The following RBFOX1 variants were observed in gnomAD, a reference collection of about 807,000 sequenced individuals.
RBFOX1 encodes the protein RNA binding protein fox-1 homolog 1.
In RBFOX1, 8 loss-of-function variants were observed where a neutral mutation model predicts 57.7. That is an observed-to-expected ratio of 0.14 (90% confidence interval 0.08 to 0.25). The LOEUF (loss-of-function observed/expected upper bound fraction) is 0.25. Ranked by LOEUF, RBFOX1 falls within the 10% of genes least tolerant of loss-of-function variation. RBFOX1 has a pLI of 1.00. For missense variants in RBFOX1, 611 were observed against 548.5 expected (o/e 1.11, Z -1.14); for synonymous variants, 326 against 222.4 (o/e 1.47, Z -4.15).
At chr16:7,693,477 A>G in intron 14 of RBFOX1, 1 of 803,910 alleles carries the variant, frequency 1.2e-6, no homozygotes. Context: ...AAGTTTAGTT[A>G]AGAAAAAAAA....
chr16:7,638,198 G>A (rs957462332), intron 11 of RBFOX1, among the ~76,000 whole-genome samples: 1 of 152,184 alleles, frequency 6.6e-6, no homozygotes, highest in Non-Finnish European at 1.5e-5. Flanking sequence ...ATCATAAGTA[G>A]TGGTTATTGG....
At chr16:6,464,257 CA>C (rs911843624) in intron 2 of RBFOX1, among the ~76,000 whole-genome samples, 4 of 151,628 alleles carry the variant, frequency 2.6e-5, no homozygotes, top group African/African-American at 4.8e-5. Flanking sequence ...GTGAGTAAAA[CA>C]AAAAAAATCA....
At chr16:7,427,912 C>T (rs1024655952) in intron 4 of RBFOX1, among the ~76,000 whole-genome samples, 1 of 152,182 alleles carries the variant, frequency 6.6e-6, no homozygotes, top group Non-Finnish European at 1.5e-5. Context: ...CCTTGGCCTC[C>T]TAAAGTGCTC....
intron 2 of RBFOX1, among the ~76,000 whole-genome samples, chr16:6,506,669 A>G (rs1390927327): frequency 5.0e-5 from 4 of 79,958 alleles, no homozygotes; most frequent in South Asian, 8.5e-4. Context: ...TTTTTTTGAG[A>G]TGGAGTCTCG....
intron 3 of RBFOX1, among the ~76,000 whole-genome samples, chr16:6,821,257 C>G (rs1242270307): frequency 6.6e-6 from 1 of 152,184 alleles, no homozygotes; most frequent in Non-Finnish European, 1.5e-5. Context: ...CTCTTTACAT[C>G]TAACCAGGGC....
chr16:6,256,806 C>T (rs1223949074), intron 1 of RBFOX1, among the ~76,000 whole-genome samples: 1 of 152,080 alleles, frequency 6.6e-6, no homozygotes, highest in African/African-American at 2.4e-5. Flanking sequence ...AGAAAATCAC[C>T]TTTGGTTGAG....
At chr16:5,943,523 C>T (rs766384048) in intron 4 of RBFOX1, among the ~76,000 whole-genome samples, 1 of 152,164 alleles carries the variant, frequency 6.6e-6, no homozygotes, top group Non-Finnish European at 1.5e-5. Context: ...ATGCCAGAAA[C>T]AGGAGGGAAG....
At chr16:7,647,363 T>C (rs886735376) in intron 11 of RBFOX1, among the ~76,000 whole-genome samples, 30 of 152,216 alleles carry the variant, frequency 2.0e-4, no homozygotes, top group Admixed American at 1.2e-3. Flanking sequence ...GATTTTTCTC[T>C]TTGATTCATG....
At chr16:5,487,708 C>G (rs1229267426) in intron 2 of RBFOX1, among the ~76,000 whole-genome samples, 2 of 152,204 alleles carry the variant, frequency 1.3e-5, no homozygotes, top group African/African-American at 2.4e-5. Flanking sequence ...GAGCTCATGT[C>G]TATCTTCCAG....
At chr16:6,988,032 G>T (rs149476829) in intron 3 of RBFOX1, among the ~76,000 whole-genome samples, 3 of 152,188 alleles carry the variant, frequency 2.0e-5, no homozygotes, top group African/African-American at 7.2e-5. Flanking sequence ...AAAAAAATTA[G>T]ATATGGAAAT....
chr16:7,468,225 C>A (rs374737299), intron 4 of RBFOX1, among the ~76,000 whole-genome samples: 1 of 152,188 alleles, frequency 6.6e-6, no homozygotes, highest in African/African-American at 2.4e-5. Context: ...TGAGCAAGCT[C>A]CTTTCTGCAT....
chr16:7,408,364 A>G (rs1480070185), intron 4 of RBFOX1, among the ~76,000 whole-genome samples: 1 of 152,218 alleles, frequency 6.6e-6, no homozygotes, highest in Non-Finnish European at 1.5e-5. Context: ...AAATTTTAAA[A>G]AATGTTAGAC....
intron 3 of RBFOX1, among the ~76,000 whole-genome samples, chr16:6,675,590 C>T (rs1438878525): frequency 1.3e-5 from 2 of 152,134 alleles, no homozygotes; most frequent in Admixed American, 6.5e-5. Context: ...GTACCTGAGA[C>T]TGGGTAATTT....
chr16:7,197,804 A>G (rs2087122669), intron 4 of RBFOX1, among the ~76,000 whole-genome samples: 1 of 152,108 alleles, frequency 6.6e-6, no homozygotes, highest in Admixed American at 6.5e-5. Flanking sequence ...ATGCTAAGGG[A>G]AGGAACCAGA....
chr16:7,692,563 C>A (rs1451867806), intron 14 of RBFOX1, among the ~76,000 whole-genome samples: 1 of 152,136 alleles, frequency 6.6e-6, no homozygotes, highest in African/African-American at 2.4e-5. Context: ...ACCTAGCCAA[C>A]CTCATTGTGC....
chr16:7,322,335 A>C (rs2096556397), intron 4 of RBFOX1, among the ~76,000 whole-genome samples: 2 of 152,214 alleles, frequency 1.3e-5, no homozygotes. Context: ...GCCCCCTGCC[A>C]AGCTGTGGTG....
intron 3 of RBFOX1, among the ~76,000 whole-genome samples, chr16:5,830,519 C>G (rs113088333): frequency 0.017 from 2,571 of 152,086 alleles, 31 homozygotes; most frequent in South Asian, 0.027. Context: ...GTATGACCCT[C>G]GGGAGAAAGG....
intron 1 of RBFOX1, among the ~76,000 whole-genome samples, chr16:6,281,024 A>T (rs1490563330): frequency 6.6e-6 from 1 of 151,030 alleles, no homozygotes; most frequent in Non-Finnish European, 1.5e-5. Flanking sequence ...TGTATTACAT[A>T]TGTATGTATA....
chr16:5,312,472 G>A (rs529131517), intron 1 of RBFOX1, among the ~76,000 whole-genome samples: 3 of 152,104 alleles, frequency 2.0e-5, no homozygotes, highest in African/African-American at 7.2e-5. Context: ...GTGCCTGCCC[G>A]TGACCACTAA....
Sources: gnomAD v4.1 joint callset for allele counts (sites outside exome capture counted in the v4.1 genomes callset) on GRCh38, gnomAD v4.1.1 for gene constraint, MANE v1.5 for transcripts, NCBI Gene and HGNC (gene_info 2026-07-23, HGNC 2026-07-21) for gene names.